SNX24: variants seen among roughly 807,000 people sequenced by gnomAD.
SNX24 encodes sorting nexin 24, also known as sorting nexin-24.
A neutral mutation model predicts 28.7 loss-of-function variants in SNX24; 22 were observed. The ratio of observed to expected loss-of-function variants is 0.77; its 90% CI spans 0.55 to 1.10. SNX24 has a LOEUF of 1.10. Among genes scored for constraint, SNX24 ranks in the 50% least tolerant of loss-of-function variants. The pLI is 0.00. For missense variants in SNX24, 221 were observed against 201.1 expected (o/e 1.10, Z -0.60); for synonymous variants, 69 against 71.5 (o/e 0.96, Z 0.18).
At chr5:122,971,549 C>T (rs985839391) in intron 3 of SNX24, among the ~76,000 whole-genome samples, 3 of 152,104 alleles carry the variant, frequency 2.0e-5, no homozygotes, top group African/African-American at 7.2e-5. Flanking sequence ...TTATGTGTAA[C>T]GTAATACAGC....
At chr5:122,960,986 A>G (rs1295399907) in intron 3 of SNX24, among the ~76,000 whole-genome samples, 1 of 152,230 alleles carries the variant, frequency 6.6e-6, no homozygotes, top group Non-Finnish European at 1.5e-5. Context: ...GGATGTCTAT[A>G]TAAGTAAAAA....
Position 122,904,411 on chromosome 5 carries a change from G to A in SNX24, c.61-32323G>A, listed in dbSNP as rs1757561897. Among the ~76,000 whole-genome samples the A allele has an allele frequency of 2.6e-5, 4 of 152,204 alleles. No homozygotes were observed. In the South Asian group the frequency reaches 6.2e-4, roughly 24 times the overall value. On this transcript the variant is annotated intron_variant, in intron 1 of 6. Coordinates refer to ENST00000261369, the MANE Select transcript of SNX24 (RefSeq NM_014035.4). ...TTGGCCAGGCTGGTCTCAAACTCCC[G>A]ACCTCAGGTGATCCGCCGGCCTCTG...
chr5:122,943,559 A>G (rs1759554475), intron 2 of SNX24, among the ~76,000 whole-genome samples: 2 of 152,202 alleles, frequency 1.3e-5, no homozygotes, highest in Non-Finnish European at 1.5e-5. Context: ...TCATTCAGGC[A>G]GAATTCAGTG....
At chr5:122,855,450 G>T (rs154515) in intron 1 of SNX24, among the ~76,000 whole-genome samples, 94,217 of 151,692 alleles carry the variant, frequency 0.62, 30,179 homozygotes, top group African/African-American at 0.78. Flanking sequence ...ATGTGATGCT[G>T]TTTGATAGTA....
At chr5:123,012,176 A>G (rs2617453), downstream of SNX24, among the ~76,000 whole-genome samples, 37,637 of 152,112 alleles carry the variant, frequency 0.25, 5,584 homozygotes, top group Non-Finnish European at 0.35. Flanking sequence ...GTGGAACTGT[A>G]AGTCAATTAA....
intron 6 of SNX24, 27 bp downstream of exon 6, chr5:123,002,031 G>A: frequency 6.3e-7 from 1 of 1,575,834 alleles, no homozygotes; most frequent in African/African-American, 1.3e-5. Flanking sequence ...TCTGCTAACA[G>A]CTCTTTACTG....
At chr5:122,910,696 T>G (rs1040160623) in intron 1 of SNX24, among the ~76,000 whole-genome samples, 4 of 141,424 alleles carry the variant, frequency 2.8e-5, no homozygotes, top group Non-Finnish European at 6.1e-5. Flanking sequence ...TCAATTCCCA[T>G]CTATGAGTGA....
rs529821817 is a variant in SNX24 at position 122,969,481 on chromosome 5, G to A, written c.249+23322G>A. Among the ~76,000 whole-genome samples the A allele has an allele frequency of 9.2e-5, 14 of 152,240 alleles. No individual in the cohort carries two copies. The South Asian group carries it at 2.5e-3, about 27-fold the overall frequency. On this transcript the variant is annotated intron_variant, in intron 3 of 6. Coordinates refer to ENST00000261369, the MANE Select transcript of SNX24 (RefSeq NM_014035.4). The stretch of plus-strand genomic sequence containing the variant: ...TACTTTTTCCACAGAGGATGGTGGT[G>A]TTCTGAGAGGGAATTGTGGCTAGTA...
chr5:122,974,908 A>G (rs1013145580), intron 3 of SNX24, among the ~76,000 whole-genome samples: 1 of 152,180 alleles, frequency 6.6e-6, no homozygotes, highest in Non-Finnish European at 1.5e-5. Flanking sequence ...GCTGCTAATC[A>G]TGTCTATACC....
chr5:122,946,401 G>A (rs975527319), intron 3 of SNX24, among the ~76,000 whole-genome samples: 2 of 152,140 alleles, frequency 1.3e-5, no homozygotes, highest in Admixed American at 1.3e-4. Context: ...AAACTGTTGA[G>A]GAGAGGATCT....
In SNX24 at chr5:122,996,822, G is replaced by A. The variant is rs560363807; in HGVS notation, c.250-3090G>A. Among the ~76,000 whole-genome samples, 38 of 152,236 alleles carry A rather than the reference G, an allele frequency of 2.5e-4. No homozygotes were observed. In the South Asian group the frequency reaches 4.4e-3, roughly 17 times the overall value. On this transcript the variant is annotated intron_variant, in intron 3 of 6. Coordinates refer to ENST00000261369, the MANE Select transcript of SNX24 (RefSeq NM_014035.4). ...AAAGATAAGCAATCTAAAACAATAG[G>A]GAGATAGGATTTGATATTCAAAAAT...
intron 1 of SNX24, among the ~76,000 whole-genome samples, chr5:122,851,008 G>A (rs1754894119): frequency 6.6e-6 from 1 of 152,136 alleles, no homozygotes; most frequent in Admixed American, 6.6e-5. Flanking sequence ...AGGATGGACA[G>A]CAGTCCATTC....
chr5:122,854,568 C>T (rs952927940), intron 1 of SNX24, among the ~76,000 whole-genome samples: 2 of 149,572 alleles, frequency 1.3e-5, no homozygotes, highest in African/African-American at 4.9e-5. Flanking sequence ...AAAAAAAAAT[C>T]TTATGGCTTA....
At chr5:122,862,550 C>T (rs112558592) in intron 1 of SNX24, among the ~76,000 whole-genome samples, 1 of 146,364 alleles carries the variant, frequency 6.8e-6, no homozygotes, top group Non-Finnish European at 1.5e-5. Flanking sequence ...TGCAGTGAGC[C>T]GAGATTGCGC....
intron 3 of SNX24, among the ~76,000 whole-genome samples, chr5:122,995,188 C>T (rs1304445187): frequency 6.6e-6 from 1 of 152,148 alleles, no homozygotes; most frequent in Admixed American, 6.5e-5. Flanking sequence ...ACTTTTATTG[C>T]ACACGCTTCA....
chr5:122,969,431 A>G (rs1760857581), intron 3 of SNX24, among the ~76,000 whole-genome samples: 1 of 152,024 alleles, frequency 6.6e-6, no homozygotes, highest in Non-Finnish European at 1.5e-5. Flanking sequence ...TAGACAACAG[A>G]TATTGGTTTT....
intron 1 of SNX24, among the ~76,000 whole-genome samples, chr5:122,914,734 G>A (rs183961095): frequency 1.3e-4 from 19 of 151,746 alleles, no homozygotes; most frequent in Non-Finnish European, 7.4e-5. Context: ...TGTGGGATCG[G>A]TGGTGATATC....
chr5:122,855,693 C>G (rs1401330118), intron 1 of SNX24, among the ~76,000 whole-genome samples: 1 of 152,176 alleles, frequency 6.6e-6, no homozygotes, highest in Non-Finnish European at 1.5e-5. Context: ...GTTCTATATC[C>G]TTTGTTGTCA....
chr5:123,009,329 A>G, downstream of SNX24: 1 of 473,100 alleles, frequency 2.1e-6, no homozygotes, highest in Non-Finnish European at 2.8e-6. Flanking sequence ...GTTTATTTCT[A>G]ATATGATAAG....
Sources: allele counts gnomAD v4.1 joint callset (sites outside exome capture counted in the v4.1 genomes callset), GRCh38; gene constraint gnomAD v4.1.1; transcripts MANE v1.5; gene names NCBI Gene and HGNC (gene_info 2026-07-23, HGNC 2026-07-21).